The following ADGRV1 variants were observed in gnomAD, a reference collection of about 807,000 sequenced individuals.
ADGRV1 encodes adhesion G protein-coupled receptor V1, also known as G-protein coupled receptor 98.
In ADGRV1, 359 loss-of-function variants were observed where a neutral mutation model predicts 596.2. That is an observed-to-expected ratio of 0.60 (90% CI 0.55 to 0.66). The LOEUF (loss-of-function observed/expected upper bound fraction) is 0.66, where lower values mean the gene tolerates loss of function less well. Among genes scored for constraint, ADGRV1 ranks in the 30% least tolerant of loss-of-function variants. The pLI, the probability that ADGRV1 is intolerant of heterozygous loss-of-function variation, is 0.00. For synonymous variants in ADGRV1, 2,681 were observed against 2,679.2 expected, an observed-to-expected ratio of 1.00 and a Z score of -0.02; for missense variants, 7,274 against 7,575.6, an observed-to-expected ratio of 0.96 and a Z score of 1.48.
At chr5:90,721,576 T>TAAAATAAAATAAAATAAAATATAAA (rs1554094716) in intron 45 of ADGRV1, among the ~76,000 whole-genome samples, 1 of 119,914 alleles carries the variant, frequency 8.3e-6, no homozygotes, top group Non-Finnish European at 1.8e-5. Context: ...TAAAATAAAA[T>TAAAATAAAATAAAATAAAATATAAA]AAAATAAAAT....
intron 82 of ADGRV1, among the ~76,000 whole-genome samples, chr5:90,860,533 A>G (rs1480870157): frequency 6.6e-6 from 1 of 152,176 alleles, no homozygotes; most frequent in Non-Finnish European, 1.5e-5. Context: ...ACCAAAAGGC[A>G]TTATGCTGAG....
At chr5:91,115,478 G>C (rs555031295) in intron 87 of ADGRV1, among the ~76,000 whole-genome samples, 1 of 152,226 alleles carries the variant, frequency 6.6e-6, no homozygotes, top group Admixed American at 6.5e-5. Flanking sequence ...AACATCTTAT[G>C]GTCAGCTGAT....
intron 85 of ADGRV1, among the ~76,000 whole-genome samples, chr5:91,054,019 C>T (rs1490398025): frequency 6.6e-6 from 1 of 151,836 alleles, no homozygotes; most frequent in Non-Finnish European, 1.5e-5. Context: ...CACAATAGCC[C>T]TGCTGCTTTC....
At chr5:90,805,224 C>T in intron 71 of ADGRV1, 60 bp from the exon 72 acceptor site, 1 of 1,455,946 alleles carries the variant, frequency 6.9e-7, no homozygotes, top group Non-Finnish European at 9.5e-7. Flanking sequence ...TTAACCCATT[C>T]CTCAGAAAAC....
intron 1 of ADGRV1, among the ~76,000 whole-genome samples, chr5:90,610,211 T>C (rs1367907035): frequency 2.0e-5 from 3 of 152,004 alleles, no homozygotes; most frequent in African/African-American, 7.2e-5. Flanking sequence ...TTATTGCTTA[T>C]AATGACACGT....
intron 86 of ADGRV1, among the ~76,000 whole-genome samples, chr5:91,096,950 G>A (rs948385783): frequency 3.3e-5 from 5 of 152,042 alleles, no homozygotes; most frequent in African/African-American, 1.2e-4. Context: ...TAGGCACCTC[G>A]TGTAAATGGA....
chr5:90,838,164 A>G (rs2438382), intron 77 of ADGRV1, among the ~76,000 whole-genome samples: 147,888 of 152,278 alleles, frequency 0.97, 71,943 homozygotes, highest in East Asian at 1. Context: ...TTCTAAAGCC[A>G]TTAGATTTTT....
At chr5:90,808,674 C>T (rs1561776737) in intron 73 of ADGRV1, among the ~76,000 whole-genome samples, 1 of 152,186 alleles carries the variant, frequency 6.6e-6, no homozygotes, top group Non-Finnish European at 1.5e-5. Context: ...GCAGGCAGAT[C>T]ACCTGAGGTT....
Position 90,652,411 on chromosome 5 carries a change from C to T in ADGRV1, c.3482C>T (p.Ser1161Phe). ...SVSWQLFQNDSALQPGQEFYE... is the reference protein window; with the variant it reads ...SVSWQLFQNDFALQPGQEFYE... ...TCTTGGCAGCTCTTTCAGAATGATT[C>T]TGCTTTGCAGCCTGGGCAGGAGTTC... is the stretch of plus-strand genomic sequence containing the variant. Residue 1161 changes from serine (S) to phenylalanine (F), a missense_variant, in exon 19 of 90, where the codon TCT (serine) becomes TTT (phenylalanine). Coordinates refer to ENST00000405460, the MANE Select transcript of ADGRV1 (RefSeq NM_032119.4). The T allele has an allele frequency of 6.2e-7, 1 of 1,612,196 alleles. No individual in the cohort carries two copies. The highest frequency in any genetic ancestry group is 8.5e-7 in the Non-Finnish European group (1 of 1,179,028).
At chr5:90,670,796 C>T (rs1367682493) in intron 21 of ADGRV1, among the ~76,000 whole-genome samples, 1 of 152,202 alleles carries the variant, frequency 6.6e-6, no homozygotes, top group Non-Finnish European at 1.5e-5. Flanking sequence ...CCCAACCAGA[C>T]TTTATCACTC....
intron 84 of ADGRV1, among the ~76,000 whole-genome samples, chr5:90,983,184 C>G (rs1260540167): frequency 6.6e-6 from 1 of 152,018 alleles, no homozygotes; most frequent in African/African-American, 2.4e-5. Flanking sequence ...TTTACTTAAT[C>G]AAGTATTCAG....
intron 83 of ADGRV1, among the ~76,000 whole-genome samples, chr5:90,958,299 A>AAAAAG (rs1404270508): frequency 1.4e-5 from 2 of 143,852 alleles, no homozygotes; most frequent in Admixed American, 1.4e-4. Flanking sequence ...AAAAAAAAAA[A>AAAAAG]AAAAGAAAAG....
At chr5:91,058,979 C>G (rs1787155921) in intron 85 of ADGRV1, among the ~76,000 whole-genome samples, 1 of 152,196 alleles carries the variant, frequency 6.6e-6, no homozygotes, top group Admixed American at 6.5e-5. Flanking sequence ...CTGCACAGCA[C>G]TTTTCTCTGA....
At chr5:90,757,272 G>A in intron 57 of ADGRV1, 111 bp downstream of exon 57, 1 of 759,152 alleles carries the variant, frequency 1.3e-6, no homozygotes, top group Non-Finnish European at 2.1e-6. Context: ...TACTCTAAAT[G>A]TTTCTATGTT....
intron 83 of ADGRV1, among the ~76,000 whole-genome samples, chr5:90,940,313 T>C (rs2150857656): frequency 6.6e-6 from 1 of 152,328 alleles, no homozygotes; most frequent in East Asian, 1.9e-4. Flanking sequence ...GAAAATATAT[T>C]ATCTGTGTTA....
At chr5:90,909,942 C>T (rs369783512) in intron 83 of ADGRV1, among the ~76,000 whole-genome samples, 34 of 152,304 alleles carry the variant, frequency 2.2e-4, no homozygotes, top group Non-Finnish European at 4.0e-4. Context: ...TGGATTGACC[C>T]AAGTCACCCC....
chr5:90,639,653 AT>A (rs2149417495), intron 11 of ADGRV1, among the ~76,000 whole-genome samples: 1 of 152,306 alleles, frequency 6.6e-6, no homozygotes, highest in East Asian at 1.9e-4. Flanking sequence ...TCAAATATAT[AT>A]TAAAATGTTT....
At chr5:90,775,712 A>G (rs1282820779) in intron 60 of ADGRV1, among the ~76,000 whole-genome samples, 1 of 152,094 alleles carries the variant, frequency 6.6e-6, no homozygotes, top group Admixed American at 6.6e-5. Flanking sequence ...TCCTGAGCTC[A>G]TGGGATCCTC....
chr5:91,059,068 CT>C (rs1232553754), intron 85 of ADGRV1, among the ~76,000 whole-genome samples: 2 of 152,158 alleles, frequency 1.3e-5, no homozygotes. Context: ...CAAATTAAAT[CT>C]TGTATACTGT....
Sources: gnomAD v4.1 joint callset for allele counts (sites outside exome capture counted in the v4.1 genomes callset) on GRCh38, gnomAD v4.1.1 for gene constraint, MANE v1.5 for transcripts, NCBI Gene and HGNC (gene_info 2026-07-23, HGNC 2026-07-21) for gene names.